The following NSMCE2 variants were observed in gnomAD, a reference collection of about 807,000 sequenced individuals.
The protein encoded by NSMCE2 is NSE2 SUMO ligase component of SMC5/6 complex, also known as E3 SUMO-protein ligase NSE2.
Under a neutral mutation model 23.8 loss-of-function variants are expected in NSMCE2, and 24 were observed. That is an observed-to-expected ratio of 1.01 (90% CI 0.73 to 1.42). The LOEUF is 1.42. NSMCE2 is among the 40% of genes most tolerant of loss of function. The pLI, the probability that NSMCE2 is intolerant of heterozygous loss-of-function variation, is 0.00. For missense variants in NSMCE2, 284 were observed against 296.5 expected (o/e 0.96, Z 0.31); for synonymous variants, 92 against 94.1 (o/e 0.98, Z 0.13).
intron 5 of NSMCE2, among the ~76,000 whole-genome samples, chr8:125,212,288 A>G (rs143310623): frequency 6.6e-6 from 1 of 152,280 alleles, no homozygotes; most frequent in East Asian, 1.9e-4. Context: ...AGCCCAGGAT[A>G]GAGTCTTTCT....
chr8:125,308,558 A>G (rs950603909), intron 5 of NSMCE2, among the ~76,000 whole-genome samples: 2 of 152,184 alleles, frequency 1.3e-5, no homozygotes, highest in African/African-American at 4.8e-5. Context: ...ATTTGAGACT[A>G]TAGGTTGTAT....
At chr8:125,277,256 C>A (rs1052576932) in intron 5 of NSMCE2, among the ~76,000 whole-genome samples, 1 of 152,116 alleles carries the variant, frequency 6.6e-6, no homozygotes, top group Admixed American at 6.5e-5. Flanking sequence ...CTTCCCTCCC[C>A]CTGTGCTCAC....
chr8:125,333,505 CTTTTTTTTT>C (rs71295847), intron 5 of NSMCE2, among the ~76,000 whole-genome samples: 54 of 45,628 alleles, frequency 1.2e-3, no homozygotes, highest in South Asian at 2.2e-3. Context: ...CCTGGTGGTT[CTTTTTTTTT>C]TTTTTTTTTT....
chr8:125,225,299 G>C (rs1236436850), intron 5 of NSMCE2, among the ~76,000 whole-genome samples: 2 of 152,232 alleles, frequency 1.3e-5, no homozygotes, highest in African/African-American at 4.8e-5. Context: ...GTCGACAGCA[G>C]TGGGTCTCCT....
At chr8:125,293,240 C>G (rs189849834) in intron 5 of NSMCE2, among the ~76,000 whole-genome samples, 334 of 152,260 alleles carry the variant, frequency 2.2e-3, no homozygotes, top group African/African-American at 7.6e-3. Context: ...GGGATCTTGT[C>G]CATTAATCCA....
At chr8:125,093,009 G>T (rs1358505360) in intron 1 of NSMCE2, among the ~76,000 whole-genome samples, 1 of 152,186 alleles carries the variant, frequency 6.6e-6, no homozygotes, top group East Asian at 1.9e-4. Flanking sequence ...GTCCCCTTGC[G>T]AGAGGGGTAA....
At chr8:125,348,443 T>A (rs1812875300) in intron 5 of NSMCE2, 1 of 152,230 alleles carries the variant, frequency 6.6e-6, no homozygotes, top group African/African-American at 2.4e-5. Flanking sequence ...TTCTGCGAAA[T>A]GTCTTCACAT....
chr8:125,247,762 T>C (rs1215490748), intron 5 of NSMCE2, among the ~76,000 whole-genome samples: 2 of 151,884 alleles, frequency 1.3e-5, no homozygotes, highest in Non-Finnish European at 2.9e-5. Context: ...TAATGTAGCA[T>C]TTGTTCATCA....
At chr8:125,149,866 A>G (rs1274641415) in intron 3 of NSMCE2, among the ~76,000 whole-genome samples, 1 of 151,874 alleles carries the variant, frequency 6.6e-6, no homozygotes, top group East Asian at 1.9e-4. Flanking sequence ...TTTTATATTT[A>G]TTTTTGTTTC....
chr8:125,103,831 C>CTT (rs57421278), intron 3 of NSMCE2, among the ~76,000 whole-genome samples: 1 of 151,056 alleles, frequency 6.6e-6, no homozygotes, highest in East Asian at 1.9e-4. Flanking sequence ...TAAGTAGAAT[C>CTT]TTTTTTTTTA....
chr8:125,349,262 T>A (rs1314424097), intron 5 of NSMCE2, among the ~76,000 whole-genome samples: 3 of 152,224 alleles, frequency 2.0e-5, no homozygotes, highest in Non-Finnish European at 4.4e-5. Flanking sequence ...TTGGAATCAA[T>A]GTGCTTTTGC....
At chr8:125,333,605 C>G (rs562071934) in intron 5 of NSMCE2, among the ~76,000 whole-genome samples, 1 of 144,580 alleles carries the variant, frequency 6.9e-6, no homozygotes, top group African/African-American at 2.5e-5. Flanking sequence ...AGCTCCGCCT[C>G]CCGGGTTCAC....
intron 4 of NSMCE2, among the ~76,000 whole-genome samples, chr8:125,154,653 CTT>C (rs1821217693): frequency 6.6e-6 from 1 of 152,124 alleles, no homozygotes; most frequent in Non-Finnish European, 1.5e-5. Flanking sequence ...TGTCACAACT[CTT>C]TAAAAACTGC....
intron 5 of NSMCE2, among the ~76,000 whole-genome samples, chr8:125,275,384 C>T (rs754138891): frequency 2.0e-5 from 3 of 152,126 alleles, no homozygotes; most frequent in African/African-American, 7.2e-5. Context: ...ACTATCTTGC[C>T]GAGTGGGCTA....
At chr8:125,358,473 TA>T (rs1347608323) in intron 7 of NSMCE2, among the ~76,000 whole-genome samples, 10 of 150,444 alleles carry the variant, frequency 6.6e-5, no homozygotes, top group Admixed American at 4.7e-4. Flanking sequence ...GTATATCATA[TA>T]TTATTTATCT....
chr8:125,151,277 T>C lies in NSMCE2; in HGVS notation c.264T>C (p.His88=). The change falls in exon 4 of 8, where the codon CAT becomes CAC. Residue 88 remains histidine, a splice_region_variant and synonymous_variant. Transcript: ENST00000287437. ...AGGCTGTTCAATCTACAATAAATCATGTAAGTTTATACCACTCCCTGGTTA... is the reference window on the plus strand; with the variant it reads ...AGGCTGTTCAATCTACAATAAATCACGTAAGTTTATACCACTCCCTGGTTA... The part of the protein sequence containing the change: ...YVKAVQSTIN[H]VKEERPEKIP... 2.7e-6 allele frequency: 4 copies of C among 1,470,112 alleles called. No homozygotes were observed. The highest frequency in any genetic ancestry group is 3.8e-6 in the Non-Finnish European group (4 of 1,050,620). The allele number at this position is 1,470,112 out of a possible 1,614,324, so 91.1% of individuals were successfully genotyped here. A position where few individuals can be genotyped will look rare whatever the true frequency, so the allele number is the denominator to read the frequency against.
chr8:125,099,062 C>T (rs1009189528), intron 1 of NSMCE2, among the ~76,000 whole-genome samples: 1 of 152,098 alleles, frequency 6.6e-6, no homozygotes. Context: ...TGAATGGCCA[C>T]TAATGTGCCA....
intron 5 of NSMCE2, among the ~76,000 whole-genome samples, chr8:125,228,480 G>C (rs2130937692): frequency 6.6e-6 from 1 of 152,270 alleles, no homozygotes; most frequent in Non-Finnish European, 1.5e-5. Flanking sequence ...AACACAAAAG[G>C]AAAGTGATGA....
chr8:125,251,563 T>G (rs1244193752), intron 5 of NSMCE2, among the ~76,000 whole-genome samples: 2 of 152,166 alleles, frequency 1.3e-5, no homozygotes, highest in Non-Finnish European at 2.9e-5. Flanking sequence ...AGAAAATAGA[T>G]TTTTTTCAAA....
Sources: gnomAD v4.1 joint callset for allele counts (sites outside exome capture counted in the v4.1 genomes callset) on GRCh38, gnomAD v4.1.1 for gene constraint, MANE v1.5 for transcripts, NCBI Gene and HGNC (gene_info 2026-07-23, HGNC 2026-07-21) for gene names.